FBXL7: variants seen among roughly 807,000 people sequenced by gnomAD.
FBXL7 encodes the protein F-box/LRR-repeat protein 7.
A neutral mutation model predicts 38.3 loss-of-function variants in FBXL7; 12 were observed. The observed-to-expected ratio is 0.31, with a 90% CI of 0.20 to 0.51. FBXL7 has a LOEUF of 0.51. FBXL7 is among the 20% of genes least tolerant of loss of function. The pLI is 0.98. For synonymous variants in FBXL7, 297 were observed against 300.9 expected (o/e 0.99, Z 0.13); for missense variants, 567 against 676.4 (o/e 0.84, Z 1.79).
At chr5:15,821,262 A>G (rs1170844032) in intron 2 of FBXL7, among the ~76,000 whole-genome samples, 1 of 152,200 alleles carries the variant, frequency 6.6e-6, no homozygotes, top group East Asian at 1.9e-4. Context: ...TTTTAGAAAT[A>G]TCTTTTTATA....
At chr5:15,595,699 C>G (rs982781784) in intron 1 of FBXL7, among the ~76,000 whole-genome samples, 23 of 152,090 alleles carry the variant, frequency 1.5e-4, no homozygotes, top group African/African-American at 5.1e-4. Flanking sequence ...GAGAGTTAAG[C>G]ATCTTTCCAA....
At chr5:15,753,704 C>T (rs960689852) in intron 2 of FBXL7, among the ~76,000 whole-genome samples, 1 of 152,108 alleles carries the variant, frequency 6.6e-6, no homozygotes, top group Non-Finnish European at 1.5e-5. Flanking sequence ...GTTCTAGTGG[C>T]TATATTTGTT....
At chr5:15,704,027 T>A (rs957210617) in intron 2 of FBXL7, among the ~76,000 whole-genome samples, 2 of 152,198 alleles carry the variant, frequency 1.3e-5, no homozygotes, top group Admixed American at 1.3e-4. Flanking sequence ...GACTGACTCT[T>A]CCCTGTTCTC....
At chr5:15,745,805 A>G (rs986779444) in intron 2 of FBXL7, among the ~76,000 whole-genome samples, 7 of 152,212 alleles carry the variant, frequency 4.6e-5, no homozygotes, top group Middle Eastern at 3.2e-3. Context: ...GTAGCACTCC[A>G]TCTCTGCACT....
intron 2 of FBXL7, among the ~76,000 whole-genome samples, chr5:15,853,096 C>G (rs976191976): frequency 3.3e-5 from 5 of 152,130 alleles, no homozygotes; most frequent in African/African-American, 9.7e-5. Context: ...AGTCACTTGT[C>G]TTATGTAATC....
In FBXL7 at chr5:15,803,264, G is replaced by A. The variant is rs1302113287; in HGVS notation, c.128-124626G>A. Among the ~76,000 whole-genome samples, 6 of 152,226 alleles carry A rather than the reference G, an allele frequency of 3.9e-5. No homozygotes were observed. The East Asian group carries it at 1.2e-3, about 29-fold the overall frequency. On this transcript the variant is annotated intron_variant, in intron 2 of 3. Coordinates refer to ENST00000504595, the MANE Select transcript of FBXL7 (RefSeq NM_012304.5). ...TACTTATCTATGGAACAATGAGTTTGAGTCATTGTTCGGTATCACCCATAA... is the reference window on the plus strand; with the variant it reads ...TACTTATCTATGGAACAATGAGTTTAAGTCATTGTTCGGTATCACCCATAA...
intron 2 of FBXL7, among the ~76,000 whole-genome samples, chr5:15,667,217 A>T (rs940845532): frequency 6.6e-6 from 1 of 152,138 alleles, no homozygotes; most frequent in African/African-American, 2.4e-5. Flanking sequence ...GATTTGGAGT[A>T]TGTTCTTTTC....
At chr5:15,779,730 C>T (rs1413212106) in intron 2 of FBXL7, among the ~76,000 whole-genome samples, 1 of 152,132 alleles carries the variant, frequency 6.6e-6, no homozygotes, top group East Asian at 1.9e-4. Context: ...CTTTTAGATA[C>T]AGTCAGCAAA....
rs1029708924 is a variant in FBXL7 at position 15,818,723 on chromosome 5, TGTGTGTGTGTGTGTGTGTGTGAGAGA to T, written c.128-109165_128-109140del. On this transcript the variant is annotated intron_variant, in intron 2 of 3. Transcript: ENST00000504595. ...TATTTCGTGTGTGTGTGTGTGTGTG[TGTGTGTGTGTGTGTGTGTGTGAGAGA>T]GAGAGAGATTTAAAATTCCCATGGG... 2.3e-4 allele frequency among the ~76,000 whole-genome samples: 21 copies of T among 89,794 alleles called. No homozygotes were observed. The South Asian group carries it at 7.1e-3, about 30-fold the overall frequency. The allele number at this position is 89,794 out of a possible 152,430, so 58.9% of individuals were successfully genotyped here.
chr5:15,898,726 G>C (rs56113003), intron 2 of FBXL7, among the ~76,000 whole-genome samples: 110 of 152,298 alleles, frequency 7.2e-4, no homozygotes, highest in African/African-American at 2.6e-3. Context: ...TCTCGGCTCA[G>C]CTAATCCATT....
At chr5:15,786,365 A>C (rs1022633856) in intron 2 of FBXL7, among the ~76,000 whole-genome samples, 8 of 152,362 alleles carry the variant, frequency 5.3e-5, no homozygotes, top group Admixed American at 1.3e-4. Context: ...ACTGGAATTC[A>C]ACCTAGGTCT....
At chr5:15,545,098 A>T (rs1301076934) in intron 1 of FBXL7, among the ~76,000 whole-genome samples, 1 of 152,206 alleles carries the variant, frequency 6.6e-6, no homozygotes, top group African/African-American at 2.4e-5. Flanking sequence ...GAATCTCCTT[A>T]GAACAATTAG....
intron 2 of FBXL7, among the ~76,000 whole-genome samples, chr5:15,633,739 A>ATAGTAT (rs1741073276): frequency 7.0e-6 from 1 of 143,428 alleles, no homozygotes; most frequent in African/African-American, 2.6e-5. Flanking sequence ...AGGGACACAG[A>ATAGTAT]TATTATTATT....
At chr5:15,665,548 C>G (rs1742243092) in intron 2 of FBXL7, among the ~76,000 whole-genome samples, 1 of 152,160 alleles carries the variant, frequency 6.6e-6, no homozygotes, top group African/African-American at 2.4e-5. Flanking sequence ...GGAACACTTG[C>G]AACTTTCTAC....
chr5:15,744,206 A>G (rs931684295), intron 2 of FBXL7, among the ~76,000 whole-genome samples: 3 of 152,226 alleles, frequency 2.0e-5, no homozygotes, highest in South Asian at 2.1e-4. Context: ...TTTATTTTCT[A>G]TCACATCATC....
chr5:15,670,785 A>T (rs1364501345), intron 2 of FBXL7, among the ~76,000 whole-genome samples: 1 of 152,028 alleles, frequency 6.6e-6, no homozygotes, highest in Non-Finnish European at 1.5e-5. Context: ...TGGGTGACAG[A>T]GTGAGACTCC....
At chr5:15,842,957 T>C (rs1738789555) in intron 2 of FBXL7, among the ~76,000 whole-genome samples, 2 of 152,184 alleles carry the variant, frequency 1.3e-5, no homozygotes. Context: ...TTACTACCTA[T>C]CATTGGCAAA....
At chr5:15,815,862 G>A (rs1737999561) in intron 2 of FBXL7, among the ~76,000 whole-genome samples, 1 of 152,090 alleles carries the variant, frequency 6.6e-6, no homozygotes, top group South Asian at 2.1e-4. Flanking sequence ...TTAATTTGTA[G>A]TATGTTTCAT....
chr5:15,863,247 A>G (rs1284810821), intron 2 of FBXL7, among the ~76,000 whole-genome samples: 1 of 152,212 alleles, frequency 6.6e-6, no homozygotes, highest in Admixed American at 6.5e-5. Context: ...AGCTTAAGAG[A>G]AGAACTGAGG....
Sources: gnomAD v4.1 joint callset for allele counts (sites outside exome capture counted in the v4.1 genomes callset) on GRCh38, gnomAD v4.1.1 for gene constraint, MANE v1.5 for transcripts, NCBI Gene and HGNC (gene_info 2026-07-23, HGNC 2026-07-21) for gene names.